The following TBCK variants were observed in gnomAD, a reference collection of about 807,000 sequenced individuals.
TBCK encodes the protein TBC1 domain containing kinase, also known as TBC domain-containing protein kinase-like protein.
Under a neutral mutation model 113.4 loss-of-function variants are expected in TBCK, and 99 were observed. That is an observed-to-expected ratio of 0.87 (90% CI 0.74 to 1.03). TBCK has a LOEUF of 1.03. Ranked by LOEUF, TBCK falls within the 50% of genes least tolerant of loss-of-function variation. The pLI is 0.00. For synonymous variants in TBCK, 369 were observed against 370.8 expected, an observed-to-expected ratio of 1.00 and a Z score of 0.05; for missense variants, 1,045 against 1,061.3, an observed-to-expected ratio of 0.98 and a Z score of 0.21.
At chr4:106,239,234 C>T (rs1473916536) in intron 12 of TBCK, among the ~76,000 whole-genome samples, 1 of 152,058 alleles carries the variant, frequency 6.6e-6, no homozygotes, top group African/African-American at 2.4e-5. Flanking sequence ...GCCCCTCTAG[C>T]TTTCCTGTCT....
intron 3 of TBCK, among the ~76,000 whole-genome samples, chr4:106,294,873 A>C (rs559071656): frequency 4.3e-4 from 65 of 152,240 alleles, no homozygotes; most frequent in African/African-American, 1.6e-3. Context: ...TTTTTGTGAA[A>C]TATTTCAGAG....
At chr4:106,215,531 C>T (rs564232651) in intron 19 of TBCK, among the ~76,000 whole-genome samples, 1 of 152,034 alleles carries the variant, frequency 6.6e-6, no homozygotes, top group East Asian at 1.9e-4. Flanking sequence ...ATCTACCAAG[C>T]AAAGGGAAAA....
intron 2 of TBCK, among the ~76,000 whole-genome samples, chr4:106,300,654 A>C (rs566638104): frequency 6.2e-4 from 94 of 152,338 alleles, no homozygotes; most frequent in Admixed American, 9.1e-4. Flanking sequence ...GCTTAGCTAG[A>C]ATATAGAATC....
intron 25 of TBCK, among the ~76,000 whole-genome samples, chr4:106,069,906 G>C (rs917468690): frequency 6.6e-6 from 1 of 152,068 alleles, no homozygotes; most frequent in Admixed American, 6.6e-5. Flanking sequence ...CTTTGTAGCA[G>C]TTGTGAATGG....
chr4:106,289,564 T>A (rs977858260), intron 3 of TBCK, among the ~76,000 whole-genome samples: 27 of 151,614 alleles, frequency 1.8e-4, no homozygotes, highest in South Asian at 8.3e-4. Context: ...AGGTCAGGAG[T>A]TCGAGACCAG....
chr4:106,208,410 T>C (rs1255764692), intron 20 of TBCK, among the ~76,000 whole-genome samples: 1 of 79,966 alleles, frequency 1.3e-5, no homozygotes, highest in Non-Finnish European at 3.2e-5. Context: ...GAGTGGTGCC[T>C]TTTTTTTTTT....
chr4:106,054,330 C>A (rs1450824485), intron 25 of TBCK, among the ~76,000 whole-genome samples: 1 of 151,656 alleles, frequency 6.6e-6, no homozygotes, highest in African/African-American at 2.4e-5. Context: ...CCAGTATAAT[C>A]TTTCTCTACA....
intron 3 of TBCK, among the ~76,000 whole-genome samples, chr4:106,266,109 T>A (rs1560936532): frequency 6.6e-6 from 1 of 151,460 alleles, no homozygotes; most frequent in African/African-American, 2.4e-5. Context: ...ATTCCAAACT[T>A]AAAAAAAATT....
chr4:106,237,003 GA>G (rs1283694889), intron 12 of TBCK, among the ~76,000 whole-genome samples, 195 bp from the exon 13 acceptor site: 1 of 151,862 alleles, frequency 6.6e-6, no homozygotes, highest in Non-Finnish European at 1.5e-5. Context: ...GTTTGGCTGT[GA>G]AAAACAACTA....
At chr4:106,119,004 A>C (rs76137245) in intron 23 of TBCK, among the ~76,000 whole-genome samples, 8,101 of 152,304 alleles carry the variant, frequency 0.053, 485 homozygotes, top group East Asian at 0.28. Context: ...TTTAGAAAAA[A>C]TTATACTACT....
intron 25 of TBCK, among the ~76,000 whole-genome samples, chr4:106,075,158 T>C (rs1272123964): frequency 6.6e-6 from 1 of 152,242 alleles, no homozygotes; most frequent in East Asian, 1.9e-4. Context: ...GGAAAAACAA[T>C]AGGCCTACAG....
At chr4:106,110,129 T>C (rs1392525779) in intron 24 of TBCK, among the ~76,000 whole-genome samples, 1 of 152,220 alleles carries the variant, frequency 6.6e-6, no homozygotes. Context: ...CTCAAAGCCT[T>C]TGTCATTAAA....
intron 3 of TBCK, among the ~76,000 whole-genome samples, chr4:106,263,421 T>C (rs1762682885): frequency 6.6e-6 from 1 of 151,904 alleles, no homozygotes; most frequent in South Asian, 2.1e-4. Flanking sequence ...AACTCAGCTA[T>C]ACTCAGTCTA....
intron 22 of TBCK, among the ~76,000 whole-genome samples, chr4:106,184,836 T>C (rs1226492771): frequency 6.6e-6 from 1 of 152,044 alleles, no homozygotes; most frequent in Non-Finnish European, 1.5e-5. Context: ...AAATGAGAAA[T>C]AAATAGGAAA....
chr4:106,107,223 A>T (rs187179332), intron 24 of TBCK, among the ~76,000 whole-genome samples: 18 of 152,352 alleles, frequency 1.2e-4, no homozygotes, highest in African/African-American at 4.3e-4. Flanking sequence ...TATTATACAG[A>T]TCACTGAAGC....
intron 23 of TBCK, among the ~76,000 whole-genome samples, chr4:106,120,318 C>T (rs1403733391): frequency 6.6e-6 from 1 of 152,078 alleles, no homozygotes; most frequent in African/African-American, 2.4e-5. Flanking sequence ...GGGTCTTACG[C>T]CCACAGAGTC....
intron 23 of TBCK, among the ~76,000 whole-genome samples, chr4:106,144,031 G>A (rs1747469624): frequency 6.6e-6 from 1 of 151,996 alleles, no homozygotes; most frequent in African/African-American, 2.4e-5. Flanking sequence ...ACAGTTTCTG[G>A]ACCAGGAAAT....
intron 5 of TBCK, 101 bp downstream of exon 5, chr4:106,260,336 C>T: frequency 2.2e-6 from 1 of 464,010 alleles, no homozygotes; most frequent in South Asian, 9.3e-5. Flanking sequence ...AAGCTGTTTG[C>T]ATATCAAAAA....
At chr4:106,055,039 T>A (rs1735225987) in intron 25 of TBCK, among the ~76,000 whole-genome samples, 1 of 151,702 alleles carries the variant, frequency 6.6e-6, no homozygotes, top group Admixed American at 6.6e-5. Flanking sequence ...ATATGTAACA[T>A]ATCATCTATA....
Sources: gnomAD v4.1 joint callset for allele counts (sites outside exome capture counted in the v4.1 genomes callset) on GRCh38, gnomAD v4.1.1 for gene constraint, MANE v1.5 for transcripts, NCBI Gene and HGNC (gene_info 2026-07-23, HGNC 2026-07-21) for gene names.